The following ADK variants were observed in gnomAD, a reference collection of about 807,000 sequenced individuals.
ADK encodes the protein adenosine kinase.
ADK carries 24 observed loss-of-function variants against 44.7 expected under a neutral mutation model. The ratio of observed to expected loss-of-function variants is 0.54; its 90% CI spans 0.39 to 0.76. ADK has a LOEUF of 0.76. Ranked by LOEUF, ADK falls within the 30% of genes least tolerant of loss-of-function variation. The pLI, the probability that ADK is intolerant of heterozygous loss-of-function variation, is 0.00. For synonymous variants in ADK, 128 were observed against 142.6 expected (o/e 0.90, Z 0.73); for missense variants, 321 against 425.1 (o/e 0.76, Z 2.15).
At chr10:74,290,975 G>A (rs1847399011) in intron 3 of ADK, among the ~76,000 whole-genome samples, 1 of 152,084 alleles carries the variant, frequency 6.6e-6, no homozygotes, top group Non-Finnish European at 1.5e-5. Flanking sequence ...AGAGTCTGTA[G>A]CAAATAATAA....
intron 1 of ADK, among the ~76,000 whole-genome samples, chr10:74,199,470 C>G (rs1843293596): frequency 6.6e-6 from 1 of 152,122 alleles, no homozygotes; most frequent in Non-Finnish European, 1.5e-5. Flanking sequence ...TATGTTAATT[C>G]ACTTAGGATA....
At chr10:74,615,175 TATA>T (rs1483642245) in intron 9 of ADK, among the ~76,000 whole-genome samples, 3 of 152,194 alleles carry the variant, frequency 2.0e-5, no homozygotes, top group Non-Finnish European at 4.4e-5. Flanking sequence ...CCCTTTAGAG[TATA>T]ATATTTGCTT....
intron 4 of ADK, among the ~76,000 whole-genome samples, chr10:74,348,376 A>G (rs377162615): frequency 4.6e-5 from 7 of 152,288 alleles, no homozygotes; most frequent in South Asian, 4.1e-4. Flanking sequence ...GCAAACAGAA[A>G]GCAACAAACT....
intron 7 of ADK, among the ~76,000 whole-genome samples, chr10:74,579,785 C>A (rs963168953): frequency 2.0e-5 from 3 of 152,090 alleles, no homozygotes; most frequent in African/African-American, 7.2e-5. Context: ...TACTGAACCA[C>A]ATAAGTATGC....
At chr10:74,530,817 C>T (rs1239822272) in intron 7 of ADK, among the ~76,000 whole-genome samples, 3 of 152,194 alleles carry the variant, frequency 2.0e-5, no homozygotes, top group Middle Eastern at 3.4e-3. Flanking sequence ...CCCAGCTACT[C>T]GGGTGGCTGA....
chr10:74,646,384 G>A (rs1212318058), intron 9 of ADK, among the ~76,000 whole-genome samples: 1 of 152,220 alleles, frequency 6.6e-6, no homozygotes, highest in Non-Finnish European at 1.5e-5. Context: ...TTGGACATGA[G>A]AGTAGGTTAT....
intron 4 of ADK, among the ~76,000 whole-genome samples, chr10:74,385,251 A>C (rs984557319): frequency 7.2e-5 from 11 of 152,200 alleles, no homozygotes; most frequent in African/African-American, 2.7e-4. Context: ...CCTGTACTAA[A>C]GTGGTGTTAA....
intron 1 of ADK, among the ~76,000 whole-genome samples, chr10:74,186,775 C>T (rs1243969458): frequency 2.6e-5 from 4 of 152,152 alleles, no homozygotes; most frequent in Non-Finnish European, 5.9e-5. Context: ...TTTTTAGATT[C>T]ACCCATTTTG....
chr10:74,624,872 C>CT (rs766939793), intron 9 of ADK, among the ~76,000 whole-genome samples: 60 of 152,064 alleles, frequency 3.9e-4, no homozygotes, highest in Non-Finnish European at 7.4e-4. Flanking sequence ...GTGTTTATTT[C>CT]TAACATTTCT....
intron 1 of ADK, among the ~76,000 whole-genome samples, chr10:74,161,879 A>G (rs1368856964): frequency 6.6e-6 from 1 of 151,686 alleles, no homozygotes; most frequent in Admixed American, 6.6e-5. Flanking sequence ...CTAATTAAAG[A>G]AAAAATTTTC....
chr10:74,222,592 C>A (rs1342734511), intron 2 of ADK, among the ~76,000 whole-genome samples: 1 of 152,008 alleles, frequency 6.6e-6, no homozygotes, highest in African/African-American at 2.4e-5. Flanking sequence ...TTAACAATAG[C>A]AAAGACTTGG....
chr10:74,293,717 A>G (rs1485898779), intron 3 of ADK, among the ~76,000 whole-genome samples: 1 of 152,146 alleles, frequency 6.6e-6, no homozygotes, highest in Non-Finnish European at 1.5e-5. Flanking sequence ...TTTTGGATAA[A>G]TTTTTATATT....
chr10:74,543,694 T>C lies in ADK; in HGVS notation c.726+18268T>C, dbSNP rs192845321. Among the ~76,000 whole-genome samples the C allele has an allele frequency of 1.7e-4, 26 of 152,316 alleles. 1 individual carries two copies. In the East Asian group the frequency reaches 2.3e-3, roughly 14 times the overall value. ...TATTTTAATATTTGGTTATCAATTATTAAGCATTGCTATCAAATGGAATTC... is the reference window on the plus strand; with the variant it reads ...TATTTTAATATTTGGTTATCAATTACTAAGCATTGCTATCAAATGGAATTC... On this transcript the variant is annotated intron_variant, in intron 7 of 10. Coordinates refer to ENST00000539909, the MANE Select transcript of ADK (RefSeq NM_006721.4).
intron 10 of ADK, among the ~76,000 whole-genome samples, chr10:74,696,811 T>A (rs1856226160): frequency 6.6e-6 from 1 of 152,200 alleles, no homozygotes; most frequent in Admixed American, 6.6e-5. Flanking sequence ...TTCTTAAAAA[T>A]AAATAATCTC....
chr10:74,308,857 C>T (rs1840341601), intron 3 of ADK, among the ~76,000 whole-genome samples: 2 of 152,068 alleles, frequency 1.3e-5, no homozygotes, highest in South Asian at 4.1e-4. Context: ...CATATGCTCA[C>T]TCGCTCTCTC....
At chr10:74,228,300 C>T (rs1844624650) in intron 3 of ADK, among the ~76,000 whole-genome samples, 1 of 152,070 alleles carries the variant, frequency 6.6e-6, no homozygotes, top group Admixed American at 6.6e-5. Context: ...ATACTGAAGA[C>T]CTTGGGGGAT....
intron 1 of ADK, chr10:74,176,687 G>A (rs1842350487): frequency 1.4e-6 from 2 of 1,443,954 alleles, no homozygotes; most frequent in South Asian, 2.8e-5. Context: ...CGGAGCGCCC[G>A]CCTTCCCTCC....
chr10:74,548,074 G>A (rs1355754514), intron 7 of ADK, among the ~76,000 whole-genome samples: 2 of 152,200 alleles, frequency 1.3e-5, no homozygotes, highest in African/African-American at 2.4e-5. Flanking sequence ...TTACAGGCGT[G>A]AGTCACCACA....
At chr10:74,380,695 T>A (rs1373649836) in intron 4 of ADK, among the ~76,000 whole-genome samples, 1 of 152,074 alleles carries the variant, frequency 6.6e-6, no homozygotes, top group Non-Finnish European at 1.5e-5. Context: ...GAGGCAGAGG[T>A]TGCAGTGAAT....
Sources: gnomAD v4.1 joint callset for allele counts (sites outside exome capture counted in the v4.1 genomes callset) on GRCh38, gnomAD v4.1.1 for gene constraint, MANE v1.5 for transcripts, NCBI Gene and HGNC (gene_info 2026-07-23, HGNC 2026-07-21) for gene names.